The following RGS12 variants were observed in gnomAD, a reference collection of about 807,000 sequenced individuals.
RGS12 encodes the protein regulator of G protein signaling 12, also known as regulator of G-protein signaling 12.
A neutral mutation model predicts 120.1 loss-of-function variants in RGS12; 66 were observed. The observed-to-expected ratio is 0.55, with a 90% CI of 0.45 to 0.67. The LOEUF (loss-of-function observed/expected upper bound fraction) is 0.67. Among genes scored for constraint, RGS12 ranks in the 30% least tolerant of loss-of-function variants. The probability of loss-of-function intolerance (pLI) is 0.00; values close to 1 mark genes in which losing one functional copy is unlikely to be tolerated. For missense variants in RGS12, 1,859 were observed against 1,957.7 expected, an observed-to-expected ratio of 0.95 and a Z score of 0.95; for synonymous variants, 827 against 804.7, an observed-to-expected ratio of 1.03 and a Z score of -0.47.
chr4:3,432,822 A>AC (rs1349931775), intron 17 of RGS12, among the ~76,000 whole-genome samples: 10 of 152,172 alleles, frequency 6.6e-5, no homozygotes, highest in Non-Finnish European at 1.5e-5. Context: ...CTAGGAGGAG[A>AC]CCCAGTGAGT....
chr4:3,436,823 C>A (rs573693207), intron 17 of RGS12, among the ~76,000 whole-genome samples: 2 of 152,282 alleles, frequency 1.3e-5, no homozygotes, highest in African/African-American at 4.8e-5. Flanking sequence ...CCAGCAGGAC[C>A]CCCTCCTGGG....
intron 9 of RGS12, chr4:3,420,340 G>T (rs1307143373): frequency 6.1e-6 from 3 of 493,784 alleles, no homozygotes; most frequent in South Asian, 2.2e-5. Context: ...GATGTGATTT[G>T]TTGGGCACCT....
intron 1 of RGS12, among the ~76,000 whole-genome samples, chr4:3,308,983 G>A (rs1420559681): frequency 2.0e-5 from 3 of 152,282 alleles, no homozygotes; most frequent in Admixed American, 1.3e-4. Context: ...CTGAATGGCA[G>A]GTGTCCGCTG....
intron 1 of RGS12, among the ~76,000 whole-genome samples, chr4:3,293,577 G>A (rs1723176788): frequency 6.6e-6 from 1 of 152,198 alleles, no homozygotes; most frequent in Non-Finnish European, 1.5e-5. Flanking sequence ...GCACTGCAGC[G>A]ACCTGGGGTC....
intron 2 of RGS12, among the ~76,000 whole-genome samples, chr4:3,330,215 C>T (rs1314751379): frequency 2.0e-5 from 3 of 152,210 alleles, no homozygotes; most frequent in African/African-American, 7.2e-5. Flanking sequence ...GGGATCCATA[C>T]TCCATAACTC....
chr4:3,408,296 C>T (rs367682009), intron 4 of RGS12, among the ~76,000 whole-genome samples: 17 of 152,240 alleles, frequency 1.1e-4, no homozygotes, highest in African/African-American at 3.6e-4. Context: ...TTCCACGTGA[C>T]GAGAACAACT....
intron 3 of RGS12, among the ~76,000 whole-genome samples, chr4:3,383,479 C>T (rs1468278528): frequency 6.6e-6 from 1 of 152,004 alleles, no homozygotes; most frequent in Non-Finnish European, 1.5e-5. Flanking sequence ...TGTTGGTGAA[C>T]TCCTGGATCC....
chr4:3,423,063 G>A (rs1723204089), intron 12 of RGS12, 85 bp downstream of exon 12: 6 of 1,145,742 alleles, frequency 5.2e-6, no homozygotes, highest in Non-Finnish European at 7.8e-6. Context: ...GCGCTTAGCG[G>A]GCGGCCTGTG....
At chr4:3,410,564 G>A (rs1018166164) in intron 4 of RGS12, among the ~76,000 whole-genome samples, 3 of 152,224 alleles carry the variant, frequency 2.0e-5, no homozygotes, top group Admixed American at 6.5e-5. Context: ...GCTGATGAAC[G>A]AAGTGCACCC....
rs757399624 is a variant in RGS12, at chr4:3,422,916, G to A, written c.3045G>A (p.Leu1015=). The A allele has an allele frequency of 2.2e-5, 36 of 1,613,058 alleles. No individual in the cohort carries two copies. Among genetic ancestry groups the A allele is most frequent in the Non-Finnish European group, 3.0e-5 (35 of 1,179,860 alleles). The change falls in exon 12 of 18, where the codon CTG becomes CTA. Residue 1015 remains leucine, a synonymous_variant. Transcript: ENST00000336727. ...FLVGGDKPLV[L]HQDSSILESR... The stretch of plus-strand genomic sequence containing the variant: ...TCTCTGTTCCTCAGCCTCTGGTGCT[G>A]CACCAAGACAGTAGCATCTTGGAGT...
chr4:3,432,614 C>A (rs929624150), intron 17 of RGS12, among the ~76,000 whole-genome samples: 6 of 152,240 alleles, frequency 3.9e-5, no homozygotes, highest in Admixed American at 3.9e-4. Flanking sequence ...ACAGCGCAGG[C>A]CCAGCTGAGC....
At chr4:3,327,870 C>T (rs565880489) in intron 2 of RGS12, among the ~76,000 whole-genome samples, 16 of 152,198 alleles carry the variant, frequency 1.1e-4, no homozygotes, top group Non-Finnish European at 2.1e-4. Context: ...TTTGAGCCAG[C>T]AATCCTACTA....
chr4:3,369,910 T>C, intron 3 of RGS12: 27 of 576,938 alleles, frequency 4.7e-5, no homozygotes, highest in Non-Finnish European at 5.7e-5. Context: ...GTAATTAAGG[T>C]TGTGAACTGC....
At chr4:3,432,201 A>T (rs893077464) in intron 17 of RGS12, 1 of 974,938 alleles carries the variant, frequency 1.0e-6, no homozygotes, top group African/African-American at 1.8e-5. Flanking sequence ...TTTCTTTCTC[A>T]TTTGAAACTT....
At chr4:3,415,560 G>T (rs866996193) in intron 6 of RGS12, among the ~76,000 whole-genome samples, 1 of 152,208 alleles carries the variant, frequency 6.6e-6, no homozygotes, top group Non-Finnish European at 1.5e-5. Context: ...TGGGAGAGAC[G>T]CCTTGGCCTG....
chr4:3,362,425 A>G (rs549647676), intron 3 of RGS12, among the ~76,000 whole-genome samples: 198 of 134,182 alleles, frequency 1.5e-3, no homozygotes, highest in African/African-American at 5.1e-3. Context: ...CTGTGAGGGT[A>G]TGTGTTGTGC....
At chr4:3,330,099 C>G (rs1711668064) in intron 2 of RGS12, among the ~76,000 whole-genome samples, 1 of 152,222 alleles carries the variant, frequency 6.6e-6, no homozygotes, top group Non-Finnish European at 1.5e-5. Context: ...TGGGAGGTCT[C>G]TAAGCAAATG....
At chr4:3,414,889 TGA>T (rs775041567) in intron 6 of RGS12, 45 bp downstream of exon 6, 74 of 1,416,218 alleles carry the variant, frequency 5.2e-5, no homozygotes, top group Non-Finnish European at 7.1e-5. Context: ...GAGTGGCGTG[TGA>T]GAGAGACGCA....
chr4:3,336,330 C>T (rs1712457088), intron 2 of RGS12, among the ~76,000 whole-genome samples: 1 of 152,234 alleles, frequency 6.6e-6, no homozygotes, highest in Admixed American at 6.5e-5. Context: ...TACCAAGCTA[C>T]CCCTTCTCTA....
Sources: gnomAD v4.1 joint callset for allele counts (sites outside exome capture counted in the v4.1 genomes callset) on GRCh38, gnomAD v4.1.1 for gene constraint, MANE v1.5 for transcripts, NCBI Gene and HGNC (gene_info 2026-07-23, HGNC 2026-07-21) for gene names.